The following HSPA4 variants were observed in gnomAD, a reference collection of about 807,000 sequenced individuals.
HSPA4 encodes the protein heat shock protein family A (Hsp70) member 4, also known as heat shock 70 kDa protein 4.
A neutral mutation model predicts 106.2 loss-of-function variants in HSPA4; 25 were observed. The observed-to-expected ratio is 0.24, with a 90% CI of 0.17 to 0.33. The LOEUF (loss-of-function observed/expected upper bound fraction) is 0.33, where lower values mean the gene tolerates loss of function less well. HSPA4 is among the 10% of genes least tolerant of loss of function. The pLI, the probability that HSPA4 is intolerant of heterozygous loss-of-function variation, is 1.00. For synonymous variants in HSPA4, 332 were observed against 333.6 expected (o/e 1.00, Z 0.05); for missense variants, 841 against 996.0 (o/e 0.84, Z 2.10).
Position 133,093,922 on chromosome 5 carries a change from G to A in HSPA4, c.1650+1133G>A, listed in dbSNP as rs955078483. On this transcript the variant is annotated intron_variant, in intron 13 of 18. Coordinates refer to ENST00000304858, the MANE Select transcript of HSPA4 (RefSeq NM_002154.4). The stretch of plus-strand genomic sequence containing the variant: ...AGCCTGGCCAACATGGTGAAACCCC[G>A]TCTCTACTAAAAATACAAAATTTAT... Among the ~76,000 whole-genome samples the A allele has an allele frequency of 7.9e-5, 12 of 152,120 alleles. No homozygotes were observed. In the East Asian group the frequency reaches 2.1e-3, roughly 27 times the overall value.
chr5:133,071,237 ATTGT>A (rs1358135277), intron 4 of HSPA4, among the ~76,000 whole-genome samples: 2 of 137,654 alleles, frequency 1.5e-5, no homozygotes, highest in African/African-American at 2.7e-5. Flanking sequence ...GGGCAGGAAG[ATTGT>A]TTGAGACCAG....
At chr5:133,076,489 C>T (rs1197127460) in intron 6 of HSPA4, among the ~76,000 whole-genome samples, 165 bp from the exon 7 acceptor site, 1 of 152,112 alleles carries the variant, frequency 6.6e-6, no homozygotes, top group Non-Finnish European at 1.5e-5. Context: ...CCTATTTTTA[C>T]AGTGTGGGGT....
Position 133,065,519 on chromosome 5 carries a change from A to G in HSPA4, c.165+482A>G, listed in dbSNP as rs1581466619. 4.6e-5 allele frequency among the ~76,000 whole-genome samples: 7 copies of G among 152,328 alleles called. No individual in the cohort carries two copies. The South Asian group carries it at 1.5e-3, about 32-fold the overall frequency. ...ACCCAGGAACCACTGCTTCAGTGAG[A>G]AGCACCTGGCCTTAAAATAGCATTA... On this transcript the variant is annotated intron_variant, in intron 2 of 18. Coordinates refer to ENST00000304858, the MANE Select transcript of HSPA4 (RefSeq NM_002154.4).
intron 17 of HSPA4, among the ~76,000 whole-genome samples, chr5:133,103,148 AC>A (rs1438227601): frequency 6.8e-6 from 1 of 146,804 alleles, no homozygotes; most frequent in East Asian, 2.0e-4. Context: ...TGCATCCTCA[AC>A]CTCCTGGGCT....
At chr5:133,052,479 C>T in intron 1 of HSPA4, 122 bp downstream of exon 1, 4 of 666,740 alleles carry the variant, frequency 6.0e-6, no homozygotes, top group Non-Finnish European at 9.9e-6. Flanking sequence ...AGCCGAGGTC[C>T]CGGTAGGTCA....
intron 15 of HSPA4, 140 bp from the exon 16 acceptor site, chr5:133,099,405 T>G (rs1276439889): frequency 2.1e-5 from 8 of 382,966 alleles, no homozygotes; most frequent in Middle Eastern, 7.5e-4. Flanking sequence ...AGTGCTGGGA[T>G]TACAAGTGTG....
Position 133,086,826 on chromosome 5 carries a change from A to T in HSPA4, c.953A>T (p.Glu318Val), listed in dbSNP as rs759809733. ...EMCNDLLARV[E>V]PPLRSVLEQT... ...TGCAATGATCTCTTAGCTAGAGTGG[A>T]GCCACCACTTCGTAGTGTTTTGGAA... Residue 318 changes from glutamate to valine, a missense_variant, in exon 8 of 19, where the codon GAG becomes GTG. This residue lies in a region of HSPA4 where 347 missense variants were observed against 408.7 expected (regional missense o/e 0.85). Coordinates refer to ENST00000304858, the MANE Select transcript of HSPA4 (RefSeq NM_002154.4). 6.2e-7 allele frequency: 1 copy of T among 1,613,790 alleles called. No individual in the cohort carries two copies. Among genetic ancestry groups the T allele is most frequent in the Non-Finnish European group, 8.5e-7 (1 of 1,179,764 alleles).
chr5:133,062,138 G>T (rs1765253175), intron 1 of HSPA4, among the ~76,000 whole-genome samples: 1 of 152,192 alleles, frequency 6.6e-6, no homozygotes, highest in Non-Finnish European at 1.5e-5. Context: ...TGGGTTGGGA[G>T]AGGCCTTAGG....
chr5:133,058,839 A>G (rs1249270249), intron 1 of HSPA4, among the ~76,000 whole-genome samples: 1 of 151,736 alleles, frequency 6.6e-6, no homozygotes, highest in Non-Finnish European at 1.5e-5. Context: ...CAAAAAGTAC[A>G]AAAATTGGCC....
chr5:133,104,246 C>G lies in HSPA4; in HGVS notation c.2333C>G (p.Thr778Ser). 6.2e-7 allele frequency: 1 copy of G among 1,613,938 alleles called. No individual in the cohort carries two copies. Among genetic ancestry groups the G allele is most frequent in the Non-Finnish European group, 8.5e-7 (1 of 1,179,868 alleles). The stretch of plus-strand genomic sequence containing the variant: ...TACCCATTCCAGGAGCTGACAAGTA[C>G]TTGTAGCCCTATAATTTCAAAGCCC... ...IEAKIKELTSTCSPIISKPKP... is the reference protein window; with the variant it reads ...IEAKIKELTSSCSPIISKPKP... The change falls in exon 19 of 19, where the codon ACT (threonine) becomes AGT (serine). Residue 778 changes from threonine to serine, a missense_variant. Around this residue, in one of 5 missense-constraint regions of HSPA4, gnomAD observed 328 missense variants for 372.2 expected, o/e 0.88. Coordinates refer to ENST00000304858, the MANE Select transcript of HSPA4 (RefSeq NM_002154.4).
At chr5:133,083,776 A>G (rs1765545475) in intron 7 of HSPA4, among the ~76,000 whole-genome samples, 1 of 152,066 alleles carries the variant, frequency 6.6e-6, no homozygotes, top group Non-Finnish European at 1.5e-5. Flanking sequence ...GCCTCAGGTG[A>G]TCCGCCCGCC....
In HSPA4 at chr5:133,064,963, CT is replaced by C; in HGVS notation, c.108-10del. ...TGTAGTAAGATTTAATTCTTAAGTG[CT>C]TTTTTTGTCTTCTAGGGCTTGCATT... On this transcript the variant is annotated splice_polypyrimidine_tract_variant and intron_variant, in intron 1 of 18. Transcript: ENST00000304858. The C allele has an allele frequency of 1.9e-6, 3 of 1,609,274 alleles. No individual in the cohort carries two copies. The highest frequency in any genetic ancestry group is 1.7e-5 in the Admixed American group (1 of 59,498).
At chr5:133,072,338 A>G (rs983088206) in intron 4 of HSPA4, among the ~76,000 whole-genome samples, 5 of 151,058 alleles carry the variant, frequency 3.3e-5, no homozygotes, top group Non-Finnish European at 7.4e-5. Context: ...GGTTGTAACA[A>G]TACGGGTGAA....
At chr5:133,095,587 A>G (rs543071177) in intron 13 of HSPA4, among the ~76,000 whole-genome samples, 1 of 152,224 alleles carries the variant, frequency 6.6e-6, no homozygotes, top group Non-Finnish European at 1.5e-5. Flanking sequence ...ATATGTTACT[A>G]CTGATCCATA....
intron 2 of HSPA4, among the ~76,000 whole-genome samples, chr5:133,066,860 GC>G (rs1342078610): frequency 6.6e-6 from 1 of 151,318 alleles, no homozygotes; most frequent in Non-Finnish European, 1.5e-5. Context: ...GGTTACAGGT[GC>G]GCACCACCAT....
At chr5:133,054,466 A>C (rs992291788) in intron 1 of HSPA4, among the ~76,000 whole-genome samples, 2 of 152,136 alleles carry the variant, frequency 1.3e-5, no homozygotes, top group Admixed American at 6.5e-5. Context: ...GGCTTTCCAA[A>C]GTGCTGGGTT....
At chr5:133,073,024 T>G (rs1429054053) in intron 4 of HSPA4, among the ~76,000 whole-genome samples, 1 of 152,228 alleles carries the variant, frequency 6.6e-6, no homozygotes, top group Non-Finnish European at 1.5e-5. Context: ...TGGTCTGCCA[T>G]GTAATGAGTA....
chr5:133,073,496 C>T (rs1197929934), intron 5 of HSPA4, among the ~76,000 whole-genome samples, 167 bp downstream of exon 5: 1 of 152,250 alleles, frequency 6.6e-6, no homozygotes, highest in African/African-American at 2.4e-5. Context: ...AAGAATTAAT[C>T]TGACCAGTGC....
At chr5:133,101,095 C>T (rs1032580953) in intron 16 of HSPA4, among the ~76,000 whole-genome samples, 2 of 152,184 alleles carry the variant, frequency 1.3e-5, no homozygotes, top group African/African-American at 2.4e-5. Context: ...CATGAGCCAC[C>T]GAACCTGACC....
Sources: gnomAD v4.1 joint callset for allele counts (sites outside exome capture counted in the v4.1 genomes callset) on GRCh38, gnomAD v4.1.1 for gene constraint, gnomAD v4.1.1 regional missense constraint, MANE v1.5 for transcripts, NCBI Gene and HGNC (gene_info 2026-07-23, HGNC 2026-07-21) for gene names.